Variants in DGKA observed in about 807,000 individuals in gnomAD.
DGKA encodes diacylglycerol kinase alpha, also known as 80 kDa diacylglycerol kinase.
DGKA carries 35 observed loss-of-function variants against 105.0 expected under a neutral mutation model. That is an observed-to-expected ratio of 0.33 (90% CI 0.25 to 0.44). The LOEUF is 0.44. Ranked by LOEUF, DGKA falls within the 20% of genes least tolerant of loss-of-function variation. The pLI, the probability that DGKA is intolerant of heterozygous loss-of-function variation, is 1.00. For synonymous variants in DGKA, 296 were observed against 332.0 expected, an observed-to-expected ratio of 0.89 and a Z score of 1.18; for missense variants, 665 against 915.0, an observed-to-expected ratio of 0.73 and a Z score of 3.53.
chr12:55,948,743 G>T (rs1053246021), intron 17 of DGKA, among the ~76,000 whole-genome samples: 1 of 151,866 alleles, frequency 6.6e-6, no homozygotes, highest in Non-Finnish European at 1.5e-5. Flanking sequence ...ACACAAATGG[G>T]CTGGGCGCAG....
chr12:55,945,082 G>A (rs1274889984), intron 17 of DGKA, among the ~76,000 whole-genome samples: 4 of 152,176 alleles, frequency 2.6e-5, no homozygotes, highest in Non-Finnish European at 5.9e-5. Flanking sequence ...TTATATGCGT[G>A]AGCCACCGTG....
At chr12:55,947,530 T>G (rs1255786042) in intron 17 of DGKA, among the ~76,000 whole-genome samples, 1 of 152,236 alleles carries the variant, frequency 6.6e-6, no homozygotes, top group Non-Finnish European at 1.5e-5. Flanking sequence ...CAGTTCATAT[T>G]GATTATCATT....
upstream of DGKA, chr12:55,927,474 A>G: frequency 1.4e-6 from 1 of 695,294 alleles, no homozygotes; most frequent in Non-Finnish European, 2.5e-6. Flanking sequence ...GGGCCTTATA[A>G]ATGAAGAAAG....
chr12:55,948,838 A>G (rs909020063), intron 17 of DGKA, among the ~76,000 whole-genome samples: 10 of 152,088 alleles, frequency 6.6e-5, no homozygotes, highest in African/African-American at 2.4e-4. Context: ...CCTGGCTAAC[A>G]TGGTGAAACC....
intron 17 of DGKA, among the ~76,000 whole-genome samples, chr12:55,945,305 A>G (rs1886786057): frequency 6.6e-6 from 1 of 152,150 alleles, no homozygotes; most frequent in Non-Finnish European, 1.5e-5. Context: ...AGTAGCTGAG[A>G]TTACCCAGAG....
At chr12:55,935,789 G>A (rs1342494289) in intron 1 of DGKA, 6 of 787,074 alleles carry the variant, frequency 7.6e-6, no homozygotes, top group African/African-American at 1.9e-5. Flanking sequence ...CAGTCCAGGC[G>A]GGGCCGGGGC....
At chr12:55,953,450 G>C in intron 23 of DGKA, 40 bp downstream of exon 23, 1 of 1,598,938 alleles carries the variant, frequency 6.3e-7, no homozygotes, top group Non-Finnish European at 8.6e-7. Flanking sequence ...AAACCCTTGG[G>C]CTCCATGGAT....
Position 55,932,382 on chromosome 12 carries a change from G to C in DGKA, c.-82+1038G>C, listed in dbSNP as rs148158068. Reference sequence around the variant, plus strand: ...CTCATTCGGAGGGATGGTGAAGCCCGGTTCCTGGGACCCGACTCGGAGGGA... The same window carrying C: ...CTCATTCGGAGGGATGGTGAAGCCCCGTTCCTGGGACCCGACTCGGAGGGA... On this transcript the variant is annotated intron_variant, in intron 1 of 23. Transcript: ENST00000331886. The surrounding 1 kb of genome is among the most constrained non-coding windows in gnomAD (Gnocchi z 4.3). 1.4e-3 allele frequency: 832 copies of C among 601,180 alleles called. 10 individuals are homozygous for C. In the African/African-American group the frequency reaches 0.014, roughly 10 times the overall value. The allele number at this position is 601,180 out of a possible 1,614,324, so 37.2% of individuals were successfully genotyped here.
At chr12:55,951,823 G>C in intron 18 of DGKA, 40 bp downstream of exon 18, 1 of 1,603,110 alleles carries the variant, frequency 6.2e-7, no homozygotes, top group Non-Finnish European at 8.5e-7. Flanking sequence ...AGAAAGGGGG[G>C]GCCAAGCAGT....
chr12:55,953,976 G>T lies in DGKA; in HGVS notation c.*208G>T. On this transcript the variant is annotated 3_prime_UTR_variant, in exon 24 of 24. Transcript: ENST00000331886. ...ACCCCAAAACACATACATTGAAAGTGCCTCATCTGAATAAAATGACTTGTG... is the reference window on the plus strand; with the variant it reads ...ACCCCAAAACACATACATTGAAAGTTCCTCATCTGAATAAAATGACTTGTG... The T allele has an allele frequency of 6.3e-6, 4 of 632,564 alleles. No homozygotes were observed. Among genetic ancestry groups the T allele is most frequent in the Non-Finnish European group, 1.1e-5 (4 of 368,938 alleles). 39.2% of individuals were successfully genotyped at this position (632,564 alleles called of 1,614,324 possible). A position where few individuals can be genotyped will look rare whatever the true frequency, so the allele number is the denominator to read the frequency against.
Position 55,940,383 on chromosome 12 carries a change from CG to C in DGKA, c.870del (p.Ile291SerfsTer5). ...GRCDRCQKKI[R>X]IYHSLTGLHC... ...CTGCGACCGCTGTCAGAAAAAGATC[CG>C]GATCTACCACAGTCTGACCGGGCTG... On this transcript the variant is annotated frameshift_variant, in exon 11 of 24. Transcript: ENST00000331886. LOFTEE classifies it high-confidence loss of function. This position sits in a 1 kb window ranked among gnomAD's most constrained non-coding sequence, Gnocchi z 4.3. 6.2e-7 allele frequency: 1 copy of C among 1,614,246 alleles called. No homozygotes were observed. The highest frequency in any genetic ancestry group is 8.5e-7 in the Non-Finnish European group (1 of 1,180,046).
intron 7 of DGKA, 38 bp from the exon 8 acceptor site, chr12:55,939,148 C>T (rs377337042): frequency 3.1e-6 from 5 of 1,609,316 alleles, no homozygotes; most frequent in African/African-American, 2.7e-5. Flanking sequence ...GTCTGAAGAC[C>T]CACTCATACT....
At chr12:55,927,415 C>G (rs1883213630), upstream of DGKA, 1 of 710,372 alleles carries the variant, frequency 1.4e-6, no homozygotes, top group Admixed American at 2.0e-5. Context: ...CTCGTACGTC[C>G]AGGACCTGCG....
chr12:55,947,793 T>C (rs1887334805), intron 17 of DGKA, among the ~76,000 whole-genome samples: 1 of 152,080 alleles, frequency 6.6e-6, no homozygotes, highest in Non-Finnish European at 1.5e-5. Flanking sequence ...TTTATTTTAT[T>C]TTATTTATTT....
chr12:55,927,803 C>T, upstream of DGKA: 1 of 1,532,932 alleles, frequency 6.5e-7, no homozygotes, highest in South Asian at 1.2e-5. Context: ...GCGGCCCTGG[C>T]CTGGCTCTGC....
intron 6 of DGKA, 142 bp from the exon 7 acceptor site, chr12:55,938,773 C>A: frequency 1.3e-6 from 2 of 1,533,504 alleles, no homozygotes; most frequent in South Asian, 1.2e-5. Context: ...AACATACAAA[C>A]ACATTTATTT....
In DGKA at chr12:55,936,557, A is replaced by G; in HGVS notation, c.54A>G (p.Lys18=). The G allele has an allele frequency of 6.2e-7, 1 of 1,614,178 alleles. No individual in the cohort carries two copies. The highest frequency in any genetic ancestry group is 8.5e-7 in the Non-Finnish European group (1 of 1,180,028). The change falls in exon 2 of 24, where the codon AAA becomes AAG. Residue 18 remains lysine, a synonymous_variant. Transcript: ENST00000331886. ...CCAGTGATTTTGCCCAGCTGCAAAA[A>G]TACATGGAATGTGAGTCTTCCTGTC... ...ISPSDFAQLQ[K]YMEYSTKKVS...
chr12:55,928,079 G>A (rs952813912), upstream of DGKA, among the ~76,000 whole-genome samples: 2 of 152,152 alleles, frequency 1.3e-5, no homozygotes, highest in African/African-American at 2.4e-5. Context: ...CTATTCTGCA[G>A]ACGAACCCAT....
rs775647021 is a variant in DGKA at position 55,940,843 on chromosome 12, T to C, written c.1018-54T>C. 4.4e-6 allele frequency: 7 copies of C among 1,597,968 alleles called. No individual in the cohort carries two copies. The East Asian group carries it at 1.6e-4, about 36-fold the overall frequency. The stretch of plus-strand genomic sequence containing the variant: ...AGGATTCAAGTCAGACCCCTCTATT[T>C]AGGGATTCATGCACAATACAGCTTT... On this transcript the variant is annotated intron_variant, in intron 12 of 23. Transcript: ENST00000331886. This position sits in a 1 kb window ranked among gnomAD's most constrained non-coding sequence, Gnocchi z 4.3.
Sources: allele counts gnomAD v4.1 joint callset (sites outside exome capture counted in the v4.1 genomes callset), GRCh38; gene constraint gnomAD v4.1.1; non-coding constraint Gnocchi (gnomAD v3.1); transcripts MANE v1.5; gene names NCBI Gene and HGNC (gene_info 2026-07-23, HGNC 2026-07-21).